The following DPF3 variants were observed in gnomAD, a reference collection of about 807,000 sequenced individuals.
DPF3 encodes double PHD fingers 3.
DPF3 carries 18 observed loss-of-function variants against 56.8 expected under a neutral mutation model. The observed-to-expected ratio is 0.32, with a 90% CI of 0.22 to 0.47. DPF3 has a LOEUF of 0.47. DPF3 is among the 20% of genes least tolerant of loss of function. The pLI, the probability that DPF3 is intolerant of heterozygous loss-of-function variation, is 1.00. For missense variants in DPF3, 403 were observed against 488.8 expected (o/e 0.82, Z 1.65); for synonymous variants, 188 against 180.2 (o/e 1.04, Z -0.35).
intron 8 of DPF3, among the ~76,000 whole-genome samples, chr14:72,635,025 C>T (rs546001431): frequency 2.6e-5 from 4 of 152,160 alleles, no homozygotes; most frequent in Non-Finnish European, 5.9e-5. Context: ...GCTTATTGAG[C>T]TGGGTCAGTG....
At chr14:72,771,238 C>T (rs1207125406) in intron 2 of DPF3, among the ~76,000 whole-genome samples, 2 of 151,768 alleles carry the variant, frequency 1.3e-5, no homozygotes, top group East Asian at 3.9e-4. Flanking sequence ...ATGTGCTAAA[C>T]TCATTTAAGA....
At chr14:72,703,261 A>G in intron 6 of DPF3, among the ~76,000 whole-genome samples, 1 of 151,890 alleles carries the variant, frequency 6.6e-6, no homozygotes, top group Non-Finnish European at 1.5e-5. Flanking sequence ...ATTCCTTTGG[A>G]TGGAGACACA....
intron 8 of DPF3, among the ~76,000 whole-genome samples, chr14:72,638,765 C>T (rs751923710): frequency 2.0e-5 from 3 of 151,932 alleles, no homozygotes; most frequent in African/African-American, 4.8e-5. Context: ...CATAGAAGTA[C>T]CTAGAAGTAG....
At chr14:72,789,230 C>T (rs1310686738) in intron 1 of DPF3, among the ~76,000 whole-genome samples, 1 of 152,080 alleles carries the variant, frequency 6.6e-6, no homozygotes, top group Non-Finnish European at 1.5e-5. Flanking sequence ...CAGTGCCCTC[C>T]CTGCTTAGAA....
At chr14:72,755,236 T>C (rs577030336) in intron 2 of DPF3, among the ~76,000 whole-genome samples, 5 of 152,146 alleles carry the variant, frequency 3.3e-5, no homozygotes, top group South Asian at 4.2e-4. Flanking sequence ...GTGGCAAGAG[T>C]GCAAAAGTGT....
At chr14:72,693,271 A>C (rs1047470474) in intron 6 of DPF3, 58 bp from the exon 7 acceptor site, 1 of 1,563,198 alleles carries the variant, frequency 6.4e-7, no homozygotes, top group African/African-American at 1.4e-5. Context: ...CTGTGCAGCC[A>C]CCGCTATCAT....
At chr14:72,621,133 T>G (rs1031750318) in intron 9 of DPF3, among the ~76,000 whole-genome samples, 51 of 131,670 alleles carry the variant, frequency 3.9e-4, no homozygotes, top group Admixed American at 1.1e-3. Flanking sequence ...TGAGTGAGAC[T>G]CTGTCTCAAA....
Position 72,614,490 on chromosome 14 carries a change from C to T in DPF3, c.*4807G>A, listed in dbSNP as rs1309925366. Among the ~76,000 whole-genome samples, 1 of 152,116 alleles carries T rather than the reference C, an allele frequency of 6.6e-6. No homozygotes were observed. The highest frequency in any genetic ancestry group is 6.5e-5 in the Admixed American group (1 of 15,280). Reference sequence around the variant, plus strand: ...TCTTCCCTTCCCAGCTACTGGTGTCCTGGGCTTGGGGGACAGGGGCCTGGG... The same window carrying T: ...TCTTCCCTTCCCAGCTACTGGTGTCTTGGGCTTGGGGGACAGGGGCCTGGG... On this transcript the variant is annotated 3_prime_UTR_variant, in exon 11 of 11. Transcript: ENST00000556509.
chr14:72,705,532 A>T (rs533408911), intron 6 of DPF3, among the ~76,000 whole-genome samples: 5 of 152,286 alleles, frequency 3.3e-5, no homozygotes, highest in East Asian at 3.9e-4. Flanking sequence ...ATTTTCTTCC[A>T]TGAGTCCCTG....
chr14:72,697,253 A>C (rs759803980), intron 6 of DPF3, among the ~76,000 whole-genome samples: 1 of 152,340 alleles, frequency 6.6e-6, no homozygotes, highest in Admixed American at 6.5e-5. Flanking sequence ...CCTGTGCCAC[A>C]AGAAGGACAA....
intron 8 of DPF3, among the ~76,000 whole-genome samples, chr14:72,645,479 C>T (rs1254811558): frequency 6.6e-6 from 1 of 152,004 alleles, no homozygotes; most frequent in East Asian, 1.9e-4. Context: ...TGCCACCATG[C>T]CTGGCTAATT....
At chr14:72,874,596 G>A (rs8019682) in intron 1 of DPF3, among the ~76,000 whole-genome samples, 6,859 of 152,168 alleles carry the variant, frequency 0.045, 177 homozygotes, top group African/African-American at 0.054. Flanking sequence ...GCAAAATGCC[G>A]CCAGTCTCTT....
chr14:72,761,460 T>C (rs377616152), intron 2 of DPF3, among the ~76,000 whole-genome samples: 1 of 151,984 alleles, frequency 6.6e-6, no homozygotes, highest in Non-Finnish European at 1.5e-5. Flanking sequence ...ACAATACAGT[T>C]CTAAATAATC....
intron 1 of DPF3, among the ~76,000 whole-genome samples, chr14:72,850,818 T>C (rs1884952949): frequency 6.6e-6 from 1 of 152,008 alleles, no homozygotes; most frequent in African/African-American, 2.4e-5. Context: ...TGTGTGTGTG[T>C]GTGCGCACGC....
rs557553626 is a variant in DPF3, at chr14:72,696,923, A to G, written c.605-3710T>C. The stretch of plus-strand genomic sequence containing the variant: ...CCTCTAGGTGATTCTGATGCACACT[A>G]AAGTTTGAGAACCACTGGGCTAGAA... On this transcript the variant is annotated intron_variant, in intron 6 of 10. Transcript: ENST00000556509. Among the ~76,000 whole-genome samples the G allele has an allele frequency of 2.6e-5, 4 of 152,276 alleles. No individual in the cohort carries two copies. In the South Asian group the frequency reaches 8.3e-4, roughly 32 times the overall value.
At chr14:72,691,843 G>A (rs540359045) in intron 7 of DPF3, among the ~76,000 whole-genome samples, 164 of 152,240 alleles carry the variant, frequency 1.1e-3, no homozygotes, top group African/African-American at 3.7e-3. Flanking sequence ...AAGTCAAGGA[G>A]AGGAAACCAA....
intron 3 of DPF3, among the ~76,000 whole-genome samples, chr14:72,748,202 G>A (rs1424644934): frequency 2.0e-5 from 3 of 152,238 alleles, no homozygotes; most frequent in Non-Finnish European, 4.4e-5. Flanking sequence ...GTCCAGGTTA[G>A]GGTGGTCCCA....
At chr14:72,672,127 T>C (rs970452600) in intron 8 of DPF3, among the ~76,000 whole-genome samples, 1 of 151,760 alleles carries the variant, frequency 6.6e-6, no homozygotes. Flanking sequence ...TCCAGAAAGT[T>C]CAGTTGTCAA....
intron 8 of DPF3, among the ~76,000 whole-genome samples, chr14:72,647,409 A>G (rs1885758867): frequency 6.6e-6 from 1 of 152,186 alleles, no homozygotes; most frequent in African/African-American, 2.4e-5. Flanking sequence ...CCCGATAGCA[A>G]TTCTCCTTGC....
Sources: allele counts gnomAD v4.1 joint callset (sites outside exome capture counted in the v4.1 genomes callset), GRCh38; gene constraint gnomAD v4.1.1; transcripts MANE v1.5; gene names NCBI Gene and HGNC (gene_info 2026-07-23, HGNC 2026-07-21).